GLRA3: variants seen among roughly 807,000 people sequenced by gnomAD.
GLRA3 encodes the protein glycine receptor alpha 3.
A neutral mutation model predicts 60.4 loss-of-function variants in GLRA3; 44 were observed. That is an observed-to-expected ratio of 0.73 (90% CI 0.57 to 0.94). The LOEUF is 0.94. GLRA3 is among the 40% of genes least tolerant of loss of function. The pLI, the probability that GLRA3 is intolerant of heterozygous loss-of-function variation, is 0.00. For missense variants in GLRA3, 508 were observed against 564.6 expected, an observed-to-expected ratio of 0.90 and a Z score of 1.02; for synonymous variants, 223 against 192.9, an observed-to-expected ratio of 1.16 and a Z score of -1.29.
intron 9 of GLRA3, among the ~76,000 whole-genome samples, chr4:174,647,663 A>G (rs1383159024): frequency 6.6e-6 from 1 of 152,172 alleles, no homozygotes; most frequent in Non-Finnish European, 1.5e-5. Flanking sequence ...TGTGATTTTA[A>G]TTTTTACATT....
chr4:174,652,728 A>T (rs1250386023), intron 9 of GLRA3, among the ~76,000 whole-genome samples: 1 of 152,114 alleles, frequency 6.6e-6, no homozygotes, highest in Admixed American at 6.6e-5. Context: ...CAGAAAATAG[A>T]AGGGTGCATA....
At chr4:174,684,808 G>A (rs1331599821) in intron 5 of GLRA3, among the ~76,000 whole-genome samples, 1 of 152,196 alleles carries the variant, frequency 6.6e-6, no homozygotes, top group East Asian at 1.9e-4. Flanking sequence ...AGGAGTTTGA[G>A]ACCAGCCTGG....
chr4:174,659,012 GA>G, intron 8 of GLRA3, 41 bp downstream of exon 8: 1 of 1,556,830 alleles, frequency 6.4e-7, no homozygotes, highest in Non-Finnish European at 8.8e-7. Context: ...ACTTTCGAGT[GA>G]AAACTGGATT....
chr4:174,662,176 G>T (rs1376516400), intron 7 of GLRA3, among the ~76,000 whole-genome samples: 1 of 152,152 alleles, frequency 6.6e-6, no homozygotes, highest in African/African-American at 2.4e-5. Context: ...ACCTTTTGTG[G>T]AGTGAGCATG....
chr4:174,663,366 G>A (rs927030091), intron 7 of GLRA3, among the ~76,000 whole-genome samples: 8 of 152,218 alleles, frequency 5.3e-5, no homozygotes, highest in Admixed American at 2.0e-4. Flanking sequence ...GGCTTTCAAA[G>A]ATGCTGTCTC....
At chr4:174,788,208 C>A (rs1739194216) in intron 2 of GLRA3, among the ~76,000 whole-genome samples, 1 of 151,914 alleles carries the variant, frequency 6.6e-6, no homozygotes. Flanking sequence ...AGTTACATAT[C>A]CTTATATAAA....
At chr4:174,740,265 G>A (rs1736965362) in intron 3 of GLRA3, among the ~76,000 whole-genome samples, 1 of 152,156 alleles carries the variant, frequency 6.6e-6, no homozygotes, top group Non-Finnish European at 1.5e-5. Flanking sequence ...GATGTCCTAT[G>A]GGTTGTAAGA....
rs368765660 is a variant in GLRA3, at chr4:174,806,574, G to A, written c.72-17631C>T. On this transcript the variant is annotated intron_variant, in intron 1 of 9. Transcript: ENST00000274093. ...TATGTAAAGGCTTTATTTCCTTGTC[G>A]TTATTTCCTAAACAATAGAGTATAA... 4.6e-5 allele frequency among the ~76,000 whole-genome samples: 7 copies of A among 152,086 alleles called. 1 individual carries two copies. Among genetic ancestry groups the A allele is most frequent in the African/African-American group, 1.2e-4 (5 of 41,532 alleles).
At chr4:174,747,034 ATTTG>A (rs1237235198) in intron 3 of GLRA3, among the ~76,000 whole-genome samples, 4 of 152,182 alleles carry the variant, frequency 2.6e-5, no homozygotes, top group East Asian at 1.9e-4. Context: ...TACACTCAGA[ATTTG>A]TTTGTTTACA....
rs113837414 is a variant in GLRA3, at chr4:174,653,370, G to A, written c.1116+3373C>T. 1.4e-3 allele frequency among the ~76,000 whole-genome samples: 212 copies of A among 151,930 alleles called. 3 individuals are homozygous for A. The highest frequency in any genetic ancestry group is 4.9e-3 in the African/African-American group (204 of 41,512). ...ACACATTTTTATATCATTTATAAAT[G>A]GAAGGTCTAAAATAATGCAATTATA... is the stretch of plus-strand genomic sequence containing the variant. On this transcript the variant is annotated intron_variant, in intron 9 of 9. Transcript: ENST00000274093.
chr4:174,774,419 C>T (rs1411002682), intron 2 of GLRA3, among the ~76,000 whole-genome samples: 1 of 151,310 alleles, frequency 6.6e-6, no homozygotes, highest in Non-Finnish European at 1.5e-5. Context: ...TTTATTTATG[C>T]TTATATGTGT....
chr4:174,811,788 C>T (rs1740285501), intron 1 of GLRA3, among the ~76,000 whole-genome samples: 1 of 152,152 alleles, frequency 6.6e-6, no homozygotes, highest in Non-Finnish European at 1.5e-5. Context: ...ATTTGAAACT[C>T]AATTCAAGAA....
At chr4:174,673,478 C>T (rs760644311) in intron 7 of GLRA3, among the ~76,000 whole-genome samples, 5 of 152,066 alleles carry the variant, frequency 3.3e-5, no homozygotes, top group Non-Finnish European at 5.9e-5. Context: ...ATGCTGAGAT[C>T]TCAAAGAGTT....
chr4:174,749,034 A>C (rs1300012714), intron 3 of GLRA3, among the ~76,000 whole-genome samples: 1 of 152,110 alleles, frequency 6.6e-6, no homozygotes, highest in African/African-American at 2.4e-5. Context: ...GTGTCAATGG[A>C]GATTCCCTGT....
intron 1 of GLRA3, among the ~76,000 whole-genome samples, chr4:174,826,242 C>T (rs368568107): frequency 6.6e-6 from 1 of 152,040 alleles, no homozygotes; most frequent in Non-Finnish European, 1.5e-5. Flanking sequence ...GCATATGATA[C>T]AACAATGAGA....
chr4:174,721,298 T>C (rs1482168531), intron 4 of GLRA3, among the ~76,000 whole-genome samples: 5 of 152,088 alleles, frequency 3.3e-5, no homozygotes, highest in Non-Finnish European at 5.9e-5. Context: ...AAGTGAAAAC[T>C]GTGTGAACTT....
intron 5 of GLRA3, among the ~76,000 whole-genome samples, chr4:174,702,767 T>G (rs1449315425): frequency 2.0e-5 from 3 of 152,162 alleles, no homozygotes; most frequent in Non-Finnish European, 2.9e-5. Context: ...ATGGTCTCAC[T>G]ATGTTTCCCA....
intron 3 of GLRA3, among the ~76,000 whole-genome samples, chr4:174,743,386 T>C (rs1737100653): frequency 6.6e-6 from 1 of 152,160 alleles, no homozygotes; most frequent in Admixed American, 6.5e-5. Flanking sequence ...GACAGCCCCA[T>C]AGTCTTTTTT....
At position 174,774,143 on chromosome 4, in the gene GLRA3, GAA is replaced by G. The variant is rs1738500642; in HGVS notation, c.200-7115_200-7114del. On this transcript the variant is annotated intron_variant, in intron 2 of 9. Coordinates refer to ENST00000274093, the MANE Select transcript of GLRA3 (RefSeq NM_006529.4). ...GGCCAAGGAAGGTACTTGTGTAAAA[GAA>G]GAAGTAGCAGCAAACAAGGGAGATT... Among the ~76,000 whole-genome samples the G allele has an allele frequency of 3.4e-3, 39 of 11,578 alleles. 1 individual carries two copies. The highest frequency in any genetic ancestry group is 0.027 in the Admixed American group (39 of 1,456). The allele number at this position is 11,578 out of a possible 152,430, so 7.6% of individuals were successfully genotyped here.
Sources: allele counts gnomAD v4.1 joint callset (sites outside exome capture counted in the v4.1 genomes callset), GRCh38; gene constraint gnomAD v4.1.1; transcripts MANE v1.5; gene names NCBI Gene and HGNC (gene_info 2026-07-23, HGNC 2026-07-21).